Variants in GPR107 observed in about 807,000 individuals in gnomAD.
The protein encoded by GPR107 is protein GPR107.
GPR107 carries 31 observed loss-of-function variants against 75.5 expected under a neutral mutation model. The observed-to-expected ratio is 0.41, with a 90% confidence interval of 0.31 to 0.55. GPR107 has a LOEUF of 0.55. Ranked by LOEUF, GPR107 falls within the 20% of genes least tolerant of loss-of-function variation. The probability of loss-of-function intolerance (pLI) is 0.26; values close to 1 mark genes in which losing one functional copy is unlikely to be tolerated. For missense variants in GPR107, 572 were observed against 665.7 expected (o/e 0.86, Z 1.55); for synonymous variants, 267 against 251.3 (o/e 1.06, Z -0.59).
chr9:130,088,865 A>G (rs1830670997), intron 7 of GPR107, among the ~76,000 whole-genome samples: 2 of 152,174 alleles, frequency 1.3e-5, no homozygotes, highest in Admixed American at 1.3e-4. Flanking sequence ...TGTTAATAAA[A>G]TGAGTTTTTA....
intron 9 of GPR107, among the ~76,000 whole-genome samples, chr9:130,097,538 GGTTTGCT>G (rs1830906015): frequency 6.6e-6 from 1 of 152,044 alleles, no homozygotes; most frequent in Non-Finnish European, 1.5e-5. Context: ...TACATAATAA[GGTTTGCT>G]GTTTCTCCAC....
At chr9:130,095,860 A>G (rs1830855597) in intron 9 of GPR107, among the ~76,000 whole-genome samples, 1 of 152,162 alleles carries the variant, frequency 6.6e-6, no homozygotes, top group Non-Finnish European at 1.5e-5. Context: ...GGAAACCCAC[A>G]TGATATAAAG....
intron 14 of GPR107, among the ~76,000 whole-genome samples, chr9:130,121,212 C>CAAAACAAAAG (rs1216963555): frequency 3.9e-5 from 6 of 151,914 alleles, no homozygotes; most frequent in Non-Finnish European, 8.8e-5. Context: ...CAAAACAAAA[C>CAAAACAAAAG]AAAACAAAAC....
intron 1 of GPR107, among the ~76,000 whole-genome samples, chr9:130,060,148 C>T (rs1234410392): frequency 2.0e-5 from 3 of 150,142 alleles, no homozygotes; most frequent in Admixed American, 6.6e-5. Flanking sequence ...TTGCAACCTC[C>T]GCCTCCCAGG....
At chr9:130,079,234 A>ATTACAGGCG (rs1379050879) in intron 4 of GPR107, among the ~76,000 whole-genome samples, 3 of 152,320 alleles carry the variant, frequency 2.0e-5, no homozygotes, top group Admixed American at 2.0e-4. Context: ...AAGTGCTGAG[A>ATTACAGGCG]TTACAGGCGT....
At chr9:130,056,310 G>GT (rs1829786724) in intron 1 of GPR107, among the ~76,000 whole-genome samples, 2 of 142,138 alleles carry the variant, frequency 1.4e-5, no homozygotes, top group African/African-American at 5.3e-5. Context: ...AAATTAGCCA[G>GT]GCGTGGTGGC....
At chr9:130,102,715 T>G (rs1221960194) in intron 12 of GPR107, among the ~76,000 whole-genome samples, 1 of 152,162 alleles carries the variant, frequency 6.6e-6, no homozygotes, top group Non-Finnish European at 1.5e-5. Context: ...GAACATTCTG[T>G]CTCTCATGCA....
intron 1 of GPR107, among the ~76,000 whole-genome samples, chr9:130,059,886 C>T (rs1829884756): frequency 6.6e-6 from 1 of 151,660 alleles, no homozygotes; most frequent in Non-Finnish European, 1.5e-5. Flanking sequence ...TTACAGGCAC[C>T]TGCCACCACA....
Position 130,104,570 on chromosome 9 carries a change from G to A in GPR107, c.1262+20G>A, listed in dbSNP as rs75057487. On this transcript the variant is annotated intron_variant, in intron 13 of 17. Coordinates refer to ENST00000347136, the MANE Select transcript of GPR107 (RefSeq NM_020960.5). ...GGTGTGGTGAGTAGCTCACAGGGAG[G>A]GAGGCCACATGACAGCTTGGCTGTC... The A allele has an allele frequency of 0.11, 169,358 of 1,607,850 alleles. 10,010 individuals are homozygous for A. The highest frequency in any genetic ancestry group is 0.12 in the Non-Finnish European group (140,130 of 1,174,644).
chr9:130,057,002 A>T (rs938169457), intron 1 of GPR107, among the ~76,000 whole-genome samples: 1 of 150,130 alleles, frequency 6.7e-6, no homozygotes, highest in Admixed American at 6.7e-5. Flanking sequence ...CCTGGGCCGC[A>T]TGCATCCTGG....
intron 14 of GPR107, among the ~76,000 whole-genome samples, chr9:130,119,366 A>G (rs1399323633): frequency 6.6e-6 from 1 of 152,150 alleles, no homozygotes; most frequent in Non-Finnish European, 1.5e-5. Context: ...TATATGCTAC[A>G]TTTGGTATTG....
chr9:130,135,605 CAA>C lies in GPR107; in HGVS notation c.*488_*489del, dbSNP rs1306497751. The C allele has an allele frequency of 6.6e-6, 1 of 151,034 alleles. No homozygotes were observed. Among genetic ancestry groups the C allele is most frequent in the Non-Finnish European group, 1.5e-5 (1 of 68,438 alleles). 9.4% of individuals were successfully genotyped at this position (151,034 alleles called of 1,614,324 possible). ...AGAGTGCCATTGCCTGTTTGGGAGA[CAA>C]AAATGAACGAAAACAGGTGACTTTG... On this transcript the variant is annotated 3_prime_UTR_variant, in exon 18 of 18. Coordinates refer to ENST00000347136, the MANE Select transcript of GPR107 (RefSeq NM_020960.5).
rs1325425584 is a variant in GPR107 at position 130,101,137 on chromosome 9, G to A, written c.1045G>A (p.Ala349Thr). 1.2e-6 allele frequency: 2 copies of A among 1,608,164 alleles called. No homozygotes were observed. The highest frequency in any genetic ancestry group is 1.7e-5 in the Admixed American group (1 of 60,004). The change falls in exon 12 of 18, where the codon GCA (alanine) becomes ACA (threonine). Residue 349 changes from alanine to threonine, a missense_variant. By Grantham distance (58) the Ala-to-Thr change is moderately conservative. Coordinates refer to ENST00000347136, the MANE Select transcript of GPR107 (RefSeq NM_020960.5). ...LKGALLFITI[A>T]LIGTGWAFIK... ...AGGGGCGCTACTCTTCATCACCATT[G>A]CACTCATTGGCACTGGCTGGGCTTT...
At chr9:130,092,557 C>G (rs1830767473) in intron 9 of GPR107, among the ~76,000 whole-genome samples, 176 bp downstream of exon 9, 1 of 152,070 alleles carries the variant, frequency 6.6e-6, no homozygotes, top group African/African-American at 2.4e-5. Flanking sequence ...GAGCCCTTTG[C>G]ATGCCTTGGT....
chr9:130,131,735 C>A (rs1418755242), intron 17 of GPR107, among the ~76,000 whole-genome samples: 1 of 152,162 alleles, frequency 6.6e-6, no homozygotes, highest in Non-Finnish European at 1.5e-5. Context: ...CATGGCTGAA[C>A]CACGTCCCTC....
chr9:130,091,154 CA>C (rs1233640123), intron 8 of GPR107, among the ~76,000 whole-genome samples, 171 bp downstream of exon 8: 6 of 152,178 alleles, frequency 3.9e-5, no homozygotes, highest in Non-Finnish European at 8.8e-5. Context: ...AAATACAAAG[CA>C]ATTTAGGATG....
intron 17 of GPR107, among the ~76,000 whole-genome samples, chr9:130,132,017 G>A (rs1831839365): frequency 6.6e-6 from 1 of 152,130 alleles, no homozygotes; most frequent in African/African-American, 2.4e-5. Context: ...TAATAGCTGG[G>A]ACCACAGATG....
intron 5 of GPR107, among the ~76,000 whole-genome samples, chr9:130,081,628 G>T (rs866816288): frequency 6.6e-6 from 1 of 150,478 alleles, no homozygotes; most frequent in Non-Finnish European, 1.5e-5. Flanking sequence ...AGCCAAGATC[G>T]CACCACTGCA....
intron 5 of GPR107, among the ~76,000 whole-genome samples, chr9:130,081,160 G>A (rs1830486344): frequency 6.6e-6 from 1 of 152,142 alleles, no homozygotes; most frequent in Non-Finnish European, 1.5e-5. Context: ...GCCACATTGA[G>A]CCGTGATGCA....
Sources: gnomAD v4.1 joint callset for allele counts (sites outside exome capture counted in the v4.1 genomes callset) on GRCh38, gnomAD v4.1.1 for gene constraint, MANE v1.5 for transcripts, NCBI Gene and HGNC (gene_info 2026-07-23, HGNC 2026-07-21) for gene names.